The following SLC17A6 variants were observed in gnomAD, a reference collection of about 807,000 sequenced individuals.
The protein encoded by SLC17A6 is solute carrier family 17 member 6, also known as vesicular glutamate transporter 2.
In SLC17A6, 35 loss-of-function variants were observed where a neutral mutation model predicts 67.1. The ratio of observed to expected loss-of-function variants is 0.52; its 90% CI spans 0.40 to 0.69. The LOEUF is 0.69. SLC17A6 is among the 30% of genes least tolerant of loss of function. The pLI, the probability that SLC17A6 is intolerant of heterozygous loss-of-function variation, is 0.00. For missense variants in SLC17A6, 588 were observed against 723.9 expected, an observed-to-expected ratio of 0.81 and a Z score of 2.15; for synonymous variants, 285 against 252.3, an observed-to-expected ratio of 1.13 and a Z score of -1.23.
At position 22,341,696 on chromosome 11, in the gene SLC17A6, C is replaced by T; in HGVS notation, c.255C>T (p.Phe85=). ...IMSGLGFCIS[F]GIRCNLGVAI... is the part of the protein sequence containing the mutation. ...GCGGCCTGGGCTTCTGCATCTCCTTCGGTATCCGCTGCAACCTGGGCGTGG... is the reference window on the plus strand; with the variant it reads ...GCGGCCTGGGCTTCTGCATCTCCTTTGGTATCCGCTGCAACCTGGGCGTGG... Residue 85 remains phenylalanine (F), a synonymous_variant, in exon 2 of 12, where the codon TTC becomes TTT. Coordinates refer to ENST00000263160, the MANE Select transcript of SLC17A6 (RefSeq NM_020346.3). The T allele has an allele frequency of 1.2e-6, 2 of 1,614,252 alleles. No homozygotes were observed. Among genetic ancestry groups the T allele is most frequent in the East Asian group, 2.2e-5 (1 of 44,878 alleles).
intron 8 of SLC17A6, among the ~76,000 whole-genome samples, chr11:22,373,173 G>C (rs1410858794): frequency 1.3e-5 from 2 of 152,236 alleles, no homozygotes; most frequent in East Asian, 3.9e-4. Flanking sequence ...AAATAACAGA[G>C]GATTTTCAAT....
intron 3 of SLC17A6, among the ~76,000 whole-genome samples, chr11:22,344,688 A>G (rs1402936987): frequency 6.6e-6 from 1 of 152,218 alleles, no homozygotes; most frequent in Non-Finnish European, 1.5e-5. Context: ...TATGTACCAC[A>G]TTTTATTTAT....
At chr11:22,361,608 T>C (rs1451931138) in intron 5 of SLC17A6, among the ~76,000 whole-genome samples, 1 of 152,146 alleles carries the variant, frequency 6.6e-6, no homozygotes, top group Non-Finnish European at 1.5e-5. Flanking sequence ...ATTTTTGGGA[T>C]CAAAACTGAC....
intron 1 of SLC17A6, among the ~76,000 whole-genome samples, chr11:22,338,925 A>C (rs2133854815): frequency 6.6e-6 from 1 of 150,612 alleles, no homozygotes; most frequent in Non-Finnish European, 1.5e-5. Flanking sequence ...ACAGTTAAGA[A>C]ATGGCCAGCC....
At chr11:22,353,991 C>CT (rs1855970790) in intron 3 of SLC17A6, among the ~76,000 whole-genome samples, 1 of 152,206 alleles carries the variant, frequency 6.6e-6, no homozygotes, top group Non-Finnish European at 1.5e-5. Flanking sequence ...CTCAGAAACT[C>CT]TAACACCTAG....
intron 3 of SLC17A6, among the ~76,000 whole-genome samples, chr11:22,350,315 T>C (rs983878349): frequency 1.3e-5 from 2 of 152,136 alleles, no homozygotes; most frequent in African/African-American, 4.8e-5. Context: ...GTGCATAAAA[T>C]AATGACATAT....
At chr11:22,355,937 A>G (rs1855989076) in intron 3 of SLC17A6, among the ~76,000 whole-genome samples, 1 of 152,152 alleles carries the variant, frequency 6.6e-6, no homozygotes, top group Non-Finnish European at 1.5e-5. Context: ...TTTGGCACAC[A>G]TTGTCTCTGG....
At position 22,359,449 on chromosome 11, in the gene SLC17A6, A is replaced by T; in HGVS notation, c.495A>T (p.Leu165=). Reference sequence around the variant, plus strand: ...CTGCCATACTTCTTACCTCTACCCTAAATATGCTAATTCCATCAGCAGCCA... The same window carrying T: ...CTGCCATACTTCTTACCTCTACCCTTAATATGCTAATTCCATCAGCAGCCA... ...FGAAILLTST[L]NMLIPSAARV... Residue 165 remains leucine, a synonymous_variant, in exon 4 of 12, where the codon CTA becomes CTT. Coordinates refer to ENST00000263160, the MANE Select transcript of SLC17A6 (RefSeq NM_020346.3). The T allele has an allele frequency of 2.5e-6, 4 of 1,601,860 alleles. No homozygotes were observed. The highest frequency in any genetic ancestry group is 3.4e-6 in the Non-Finnish European group (4 of 1,173,716).
chr11:22,341,911 C>G (rs2133857577), intron 2 of SLC17A6, 131 bp downstream of exon 2: 1 of 1,334,084 alleles, frequency 7.5e-7, no homozygotes, highest in East Asian at 2.5e-5. Flanking sequence ...TCCTCTCTGG[C>G]TCTGCCGTTC....
chr11:22,339,914 A>G (rs1855794643), intron 1 of SLC17A6, among the ~76,000 whole-genome samples: 1 of 152,186 alleles, frequency 6.6e-6, no homozygotes, highest in Non-Finnish European at 1.5e-5. Context: ...AAATGAAAAA[A>G]AAAAACCGCA....
Position 22,370,204 on chromosome 11 carries a change from T to A in SLC17A6, c.1041+16T>A, listed in dbSNP as rs1246017087. The A allele has an allele frequency of 6.3e-7, 1 of 1,583,402 alleles. No individual in the cohort carries two copies. Among genetic ancestry groups the A allele is most frequent in the East Asian group, 2.3e-5 (1 of 44,334 alleles). ...AATTAGCAAGGTATGTAAAATGTAT[T>A]CTTATATAAATTGTGGATTACCTGT... On this transcript the variant is annotated intron_variant, in intron 8 of 11. Coordinates refer to ENST00000263160, the MANE Select transcript of SLC17A6 (RefSeq NM_020346.3).
intron 3 of SLC17A6, among the ~76,000 whole-genome samples, chr11:22,359,172 C>G (rs1856021593): frequency 6.6e-6 from 1 of 151,992 alleles, no homozygotes; most frequent in South Asian, 2.1e-4. Context: ...ATAGTATAAC[C>G]AAATGTATTG....
At chr11:22,346,685 T>C (rs1270616634) in intron 3 of SLC17A6, among the ~76,000 whole-genome samples, 3 of 151,880 alleles carry the variant, frequency 2.0e-5, no homozygotes, top group African/African-American at 4.8e-5. Context: ...CTTTAAATAA[T>C]ACAGGACATC....
chr11:22,358,696 C>A (rs1856017193), intron 3 of SLC17A6, among the ~76,000 whole-genome samples: 1 of 151,998 alleles, frequency 6.6e-6, no homozygotes. Flanking sequence ...TGGATAAAAG[C>A]TTTAGCATTA....
In SLC17A6 at chr11:22,370,170, T is replaced by C. The variant is rs1856159800; in HGVS notation, c.1023T>C (p.Phe341=). ...ISQPAYFEEV[F]GFEISKVGML... The stretch of plus-strand genomic sequence containing the variant: ...AGCCAGCATATTTTGAGGAAGTCTT[T>C]GGATTTGAAATTAGCAAGGTATGTA... The change falls in exon 8 of 12, where the codon TTT becomes TTC. Residue 341 remains phenylalanine (F), a synonymous_variant. Transcript: ENST00000263160. The C allele has an allele frequency of 6.2e-7, 1 of 1,606,912 alleles. No individual in the cohort carries two copies. The highest frequency in any genetic ancestry group is 1.7e-5 in the Admixed American group (1 of 58,784).
chr11:22,355,921 G>A (rs868544093), intron 3 of SLC17A6, among the ~76,000 whole-genome samples: 40 of 152,080 alleles, frequency 2.6e-4, no homozygotes, highest in African/African-American at 9.4e-4. Flanking sequence ...TACTTCTGTT[G>A]TGGCCTTTGG....
chr11:22,369,750 G>A (rs577036138), intron 7 of SLC17A6, among the ~76,000 whole-genome samples: 14 of 151,746 alleles, frequency 9.2e-5, no homozygotes, highest in African/African-American at 3.4e-4. Context: ...TAAGAAACTA[G>A]GACCTATGCT....
At chr11:22,361,875 G>A (rs193216155) in intron 5 of SLC17A6, among the ~76,000 whole-genome samples, 18 of 152,270 alleles carry the variant, frequency 1.2e-4, no homozygotes, top group African/African-American at 4.1e-4. Context: ...TGTAAATAAT[G>A]CTAGTAATAG....
chr11:22,369,092 G>A (rs1282887663), intron 7 of SLC17A6, among the ~76,000 whole-genome samples: 1 of 151,866 alleles, frequency 6.6e-6, no homozygotes, highest in Non-Finnish European at 1.5e-5. Context: ...TTAGGTCAAG[G>A]ATCCCAAGTT....
Sources: allele counts gnomAD v4.1 joint callset (sites outside exome capture counted in the v4.1 genomes callset), GRCh38; gene constraint gnomAD v4.1.1; transcripts MANE v1.5; gene names NCBI Gene and HGNC (gene_info 2026-07-23, HGNC 2026-07-21).